The following DNAH9 variants were observed in gnomAD, a reference collection of about 807,000 sequenced individuals.
The protein encoded by DNAH9 is DNAH9 variant protein.
DNAH9 carries 345 observed loss-of-function variants against 471.6 expected under a neutral mutation model. The observed-to-expected ratio is 0.73, with a 90% CI of 0.67 to 0.80. The LOEUF (loss-of-function observed/expected upper bound fraction) is 0.80. Among genes scored for constraint, DNAH9 ranks in the 30% least tolerant of loss-of-function variants. The pLI is 0.00. For synonymous variants in DNAH9, 2,093 were observed against 2,123.6 expected (o/e 0.99, Z 0.40); for missense variants, 5,407 against 5,609.2 (o/e 0.96, Z 1.15).
chr17:11,651,082 T>G lies in DNAH9; in HGVS notation c.2111T>G (p.Leu704Arg). 1 of 1,613,494 alleles carries G rather than the reference T, an allele frequency of 6.2e-7. No individual in the cohort carries two copies. Among genetic ancestry groups the G allele is most frequent in the Non-Finnish European group, 8.5e-7 (1 of 1,179,584 alleles). The change falls in exon 13 of 69, where the codon CTG (leucine) becomes CGG (arginine). Residue 704 changes from leucine (L) to arginine (R), a missense_variant. Coordinates refer to ENST00000262442, the MANE Select transcript of DNAH9 (RefSeq NM_001372.4). ...TCTTTTCTCCAGCTGATTTCAGTGC[T>G]GAAAGAAATGAGCTATCTTGAACCC... ...INFNPQLISV[L>R]KEMSYLEPRE...
chr17:11,843,857 G>GTATATATATATATATATA (rs1341485444), intron 49 of DNAH9, among the ~76,000 whole-genome samples: 1 of 9,314 alleles, frequency 1.1e-4, no homozygotes, highest in African/African-American at 2.8e-4. Flanking sequence ...GTGTGTGTGT[G>GTATATATATATATATATA]TGTGTGTATA....
At chr17:11,641,840 G>A (rs1379988476) in intron 10 of DNAH9, among the ~76,000 whole-genome samples, 4 of 152,164 alleles carry the variant, frequency 2.6e-5, no homozygotes, top group Non-Finnish European at 5.9e-5. Flanking sequence ...GCACTCATGA[G>A]GAAGGGAGGG....
At chr17:11,862,393 AC>A (rs1387821698) in intron 50 of DNAH9, among the ~76,000 whole-genome samples, 2 of 129,386 alleles carry the variant, frequency 1.5e-5, no homozygotes, top group Non-Finnish European at 3.3e-5. Flanking sequence ...CTGTTTTGGT[AC>A]CAGTACCATG....
intron 49 of DNAH9, among the ~76,000 whole-genome samples, chr17:11,839,172 G>A (rs1970945445): frequency 6.6e-6 from 1 of 152,040 alleles, no homozygotes; most frequent in Admixed American, 6.6e-5. Context: ...TTTTTACAGT[G>A]AACTTATTTC....
At chr17:11,651,374 C>T in intron 13 of DNAH9, 50 bp downstream of exon 13, 1 of 1,558,062 alleles carries the variant, frequency 6.4e-7, no homozygotes, top group African/African-American at 1.4e-5. Context: ...ATTCGAGGAT[C>T]TAATAAAGTT....
chr17:11,890,395 A>G (rs564835924), intron 57 of DNAH9, among the ~76,000 whole-genome samples: 1 of 152,374 alleles, frequency 6.6e-6, no homozygotes, highest in South Asian at 2.1e-4. Context: ...TAAGGAAGAA[A>G]GACTGCAAAG....
At chr17:11,945,294 T>C (rs1027616956) in intron 67 of DNAH9, among the ~76,000 whole-genome samples, 10 of 152,102 alleles carry the variant, frequency 6.6e-5, no homozygotes, top group African/African-American at 2.4e-4. Context: ...CCCAGCTCTT[T>C]GGGAGGCCGA....
intron 32 of DNAH9, among the ~76,000 whole-genome samples, chr17:11,751,102 TGAAAAAC>T (rs1967130991): frequency 6.6e-6 from 1 of 151,778 alleles, no homozygotes; most frequent in African/African-American, 2.4e-5. Flanking sequence ...GACACATACT[TGAAAAAC>T]TAAAAGAAAT....
At chr17:11,850,629 C>T (rs948608156) in intron 49 of DNAH9, among the ~76,000 whole-genome samples, 17 of 143,656 alleles carry the variant, frequency 1.2e-4, no homozygotes, top group African/African-American at 3.6e-4. Context: ...CCAGCCTGGG[C>T]GACAGTGTGA....
At chr17:11,685,045 A>G (rs2074215091) in intron 19 of DNAH9, among the ~76,000 whole-genome samples, 1 of 152,178 alleles carries the variant, frequency 6.6e-6, no homozygotes, top group Non-Finnish European at 1.5e-5. Context: ...GCAAAAAAGG[A>G]TGTAGCTGTT....
intron 19 of DNAH9, 69 bp downstream of exon 19, chr17:11,680,958 T>G (rs542130207): frequency 2.2e-6 from 3 of 1,374,254 alleles, no homozygotes; most frequent in South Asian, 2.7e-5. Context: ...ATAATCTTTT[T>G]GTGGGGCGTG....
intron 49 of DNAH9, among the ~76,000 whole-genome samples, chr17:11,838,178 G>A (rs193279822): frequency 6.6e-5 from 10 of 152,246 alleles, no homozygotes; most frequent in Admixed American, 3.3e-4. Flanking sequence ...CACATTCTAC[G>A]GTAGGAAGTC....
intron 17 of DNAH9, among the ~76,000 whole-genome samples, chr17:11,677,092 A>G (rs1391743247): frequency 2.0e-5 from 3 of 152,118 alleles, no homozygotes; most frequent in Admixed American, 2.0e-4. Flanking sequence ...GGCATATTTG[A>G]AAATAATGTA....
At chr17:11,813,853 TGAA>T (rs1567820430) in intron 45 of DNAH9, among the ~76,000 whole-genome samples, 2 of 152,212 alleles carry the variant, frequency 1.3e-5, no homozygotes, top group African/African-American at 4.8e-5. Context: ...TAGATGGACA[TGAA>T]GAAATCTTAC....
At chr17:11,851,513 A>G (rs542259561) in intron 49 of DNAH9, among the ~76,000 whole-genome samples, 35 of 152,292 alleles carry the variant, frequency 2.3e-4, no homozygotes, top group African/African-American at 8.2e-4. Flanking sequence ...TGAGCTTGGC[A>G]AGTCAATACA....
intron 28 of DNAH9, among the ~76,000 whole-genome samples, chr17:11,735,341 C>T (rs1424174203): frequency 1.3e-5 from 2 of 152,188 alleles, no homozygotes; most frequent in Admixed American, 6.5e-5. Flanking sequence ...CATTGCCACA[C>T]GACCCCTGGG....
At chr17:11,668,490 C>T (rs1039711684) in intron 15 of DNAH9, among the ~76,000 whole-genome samples, 9 of 151,998 alleles carry the variant, frequency 5.9e-5, no homozygotes, top group African/African-American at 2.2e-4. Context: ...TGTGGTGACA[C>T]CCTATCTCTA....
chr17:11,795,878 C>T (rs1047356490), intron 42 of DNAH9, among the ~76,000 whole-genome samples: 10 of 152,164 alleles, frequency 6.6e-5, no homozygotes, highest in African/African-American at 2.4e-4. Flanking sequence ...ATTTGAAATG[C>T]CAGCCTGAAG....
In DNAH9 at chr17:11,883,488, A is replaced by C. The variant is rs1165374459; in HGVS notation, c.10807-98A>C. ...TTTGCCATTCTGCCTCCACTTTACTATCTTTAAGGCAAGGGACTCTCGCCC... is the reference window on the plus strand; with the variant it reads ...TTTGCCATTCTGCCTCCACTTTACTCTCTTTAAGGCAAGGGACTCTCGCCC... On this transcript the variant is annotated intron_variant, in intron 55 of 68. Coordinates refer to ENST00000262442, the MANE Select transcript of DNAH9 (RefSeq NM_001372.4). 9 of 1,442,184 alleles carry C rather than the reference A, an allele frequency of 6.2e-6. No homozygotes were observed. The South Asian group carries it at 1.2e-4, about 19-fold the overall frequency. The allele number at this position is 1,442,184 out of a possible 1,614,324, so 89.3% of individuals were successfully genotyped here. A position where few individuals can be genotyped will look rare whatever the true frequency, so the allele number is the denominator to read the frequency against.
Sources: allele counts gnomAD v4.1 joint callset (sites outside exome capture counted in the v4.1 genomes callset), GRCh38; gene constraint gnomAD v4.1.1; transcripts MANE v1.5; gene names NCBI Gene and HGNC (gene_info 2026-07-23, HGNC 2026-07-21).